FGGY: variants seen among roughly 807,000 people sequenced by gnomAD.
The protein encoded by FGGY is FGGY carbohydrate kinase domain-containing protein.
A neutral mutation model predicts 71.3 loss-of-function variants in FGGY; 72 were observed. The ratio of observed to expected loss-of-function variants is 1.01; its 90% confidence interval spans 0.84 to 1.23. The LOEUF (loss-of-function observed/expected upper bound fraction) is 1.23. Ranked by LOEUF, FGGY falls within the 50% of genes most tolerant of loss-of-function variation. The probability of loss-of-function intolerance (pLI) is 0.00; values close to 1 mark genes in which losing one functional copy is unlikely to be tolerated. For synonymous variants in FGGY, 251 were observed against 250.3 expected, an observed-to-expected ratio of 1.00 and a Z score of -0.02; for missense variants, 668 against 682.3, an observed-to-expected ratio of 0.98 and a Z score of 0.23.
intron 14 of FGGY, among the ~76,000 whole-genome samples, chr1:59,676,001 GC>G (rs1218957563): frequency 6.6e-6 from 1 of 152,132 alleles, no homozygotes; most frequent in Non-Finnish European, 1.5e-5. Context: ...TGAGGACACA[GC>G]AAGAAGTCCA....
At chr1:59,596,191 GTTTTC>G (rs757456704) in intron 8 of FGGY, among the ~76,000 whole-genome samples, 8 of 150,394 alleles carry the variant, frequency 5.3e-5, no homozygotes, top group Non-Finnish European at 8.9e-5. Context: ...ATTTTTAAGT[GTTTTC>G]TTTTTTTTTT....
At chr1:59,298,626 C>T (rs1569809998) in intron 1 of FGGY, among the ~76,000 whole-genome samples, 1 of 152,212 alleles carries the variant, frequency 6.6e-6, no homozygotes, top group African/African-American at 2.4e-5. Context: ...CCTAACCTTT[C>T]ACTTATTGAT....
chr1:59,533,539 C>T (rs1454625006), intron 7 of FGGY, among the ~76,000 whole-genome samples: 3 of 149,694 alleles, frequency 2.0e-5, no homozygotes, highest in East Asian at 2.0e-4. Context: ...GGCTCCACCT[C>T]TGGGGGCAGG....
At chr1:59,302,629 C>G (rs969778126) in intron 1 of FGGY, among the ~76,000 whole-genome samples, 2 of 151,588 alleles carry the variant, frequency 1.3e-5, no homozygotes, top group African/African-American at 4.9e-5. Context: ...AACAAATGGA[C>G]ACAAAGAGGG....
At chr1:59,515,319 C>A (rs1288493946) in intron 7 of FGGY, among the ~76,000 whole-genome samples, 1 of 152,010 alleles carries the variant, frequency 6.6e-6, no homozygotes, top group Non-Finnish European at 1.5e-5. Context: ...ATACCTGTAC[C>A]CGCATTGTAT....
rs145082428 is a variant in FGGY, at chr1:59,745,728, G to A, written c.1513-12203G>A. 2.0e-3 allele frequency among the ~76,000 whole-genome samples: 310 copies of A among 152,210 alleles called. 3 individuals carry two copies. The highest frequency in any genetic ancestry group is 6.9e-3 in the African/African-American group (285 of 41,530). On this transcript the variant is annotated intron_variant, in intron 14 of 15. Coordinates refer to ENST00000303721, the MANE Select transcript of FGGY (RefSeq NM_018291.5). ...TAAGAGAATATTGCAGATTCTTGTC[G>A]GTAAATGACACAAAAGATGATGGAC...
intron 4 of FGGY, among the ~76,000 whole-genome samples, chr1:59,375,134 C>A: frequency 6.6e-6 from 1 of 151,156 alleles, no homozygotes; most frequent in African/African-American, 2.4e-5. Flanking sequence ...GTGGCATGCA[C>A]CTGTGTTCCC....
chr1:59,581,225 T>C (rs2096188802), intron 8 of FGGY, among the ~76,000 whole-genome samples: 2 of 149,952 alleles, frequency 1.3e-5, no homozygotes, highest in Admixed American at 1.3e-4. Context: ...CAAATGCTTT[T>C]TCTCATTATT....
intron 6 of FGGY, among the ~76,000 whole-genome samples, chr1:59,497,713 C>G (rs1376283353): frequency 6.6e-6 from 1 of 152,216 alleles, no homozygotes; most frequent in Non-Finnish European, 1.5e-5. Context: ...GTTCTTCTGA[C>G]TCTCACCTGT....
intron 8 of FGGY, among the ~76,000 whole-genome samples, chr1:59,596,943 T>A (rs2096531010): frequency 6.6e-6 from 1 of 152,218 alleles, no homozygotes; most frequent in South Asian, 2.1e-4. Flanking sequence ...CCCTTTGTTA[T>A]AGAGAAGATG....
intron 11 of FGGY, among the ~76,000 whole-genome samples, chr1:59,639,075 C>A (rs2096991602): frequency 6.6e-6 from 1 of 151,936 alleles, no homozygotes; most frequent in African/African-American, 2.4e-5. Context: ...CAGGTGAGGC[C>A]ACAAATAAGA....
intron 4 of FGGY, among the ~76,000 whole-genome samples, chr1:59,373,887 C>G (rs373604549): frequency 2.0e-5 from 3 of 152,140 alleles, no homozygotes; most frequent in African/African-American, 4.8e-5. Flanking sequence ...TCCTTACACC[C>G]TATACAAAAA....
intron 14 of FGGY, among the ~76,000 whole-genome samples, chr1:59,751,541 G>A (rs1229074990): frequency 6.6e-6 from 1 of 152,130 alleles, no homozygotes; most frequent in Non-Finnish European, 1.5e-5. Context: ...TGTCATGATG[G>A]CTTCATGCTA....
chr1:59,476,828 G>A (rs895236600), intron 6 of FGGY, among the ~76,000 whole-genome samples: 4 of 152,304 alleles, frequency 2.6e-5, no homozygotes, highest in Admixed American at 6.5e-5. Flanking sequence ...TGCCTCAGAG[G>A]TTCTTTCCTC....
At chr1:59,601,706 G>A (rs571770320) in intron 8 of FGGY, among the ~76,000 whole-genome samples, 189 of 152,244 alleles carry the variant, frequency 1.2e-3, no homozygotes, top group African/African-American at 4.4e-3. Context: ...ATAAACTTCG[G>A]GAGGACGGAG....
At chr1:59,529,461 T>A (rs1044567442) in intron 7 of FGGY, among the ~76,000 whole-genome samples, 1 of 152,112 alleles carries the variant, frequency 6.6e-6, no homozygotes, top group Admixed American at 6.5e-5. Flanking sequence ...TCTGGGAGAA[T>A]AGGTGTATTC....
chr1:59,301,502 C>G (rs143373449), intron 1 of FGGY, among the ~76,000 whole-genome samples: 265 of 152,280 alleles, frequency 1.7e-3, no homozygotes, highest in African/African-American at 6.2e-3. Context: ...TGAGAGCTGA[C>G]ATCTTGCCTT....
rs181397622 is a variant in FGGY at position 59,315,969 on chromosome 1, G to T, written c.-14-5567G>T. Among the ~76,000 whole-genome samples, 203 of 152,222 alleles carry T rather than the reference G, an allele frequency of 1.3e-3. 1 individual carries two copies. The highest frequency in any genetic ancestry group is 4.7e-3 in the African/African-American group (196 of 41,552). On this transcript the variant is annotated intron_variant, in intron 1 of 15. Coordinates refer to ENST00000303721, the MANE Select transcript of FGGY (RefSeq NM_018291.5). ...TGGTCTTTTCTTCCTATTTATTGTT[G>T]GTAGAGCCCATAGAGAAACAACTAT... is the stretch of plus-strand genomic sequence containing the variant.
At chr1:59,747,412 G>A (rs566231118) in intron 14 of FGGY, among the ~76,000 whole-genome samples, 61 of 152,258 alleles carry the variant, frequency 4.0e-4, no homozygotes, top group South Asian at 8.3e-4. Context: ...TGACTGAATC[G>A]GAATGAAACT....
Sources: allele counts gnomAD v4.1 joint callset (sites outside exome capture counted in the v4.1 genomes callset), GRCh38; gene constraint gnomAD v4.1.1; transcripts MANE v1.5; gene names NCBI Gene and HGNC (gene_info 2026-07-23, HGNC 2026-07-21).